TRHDE: variants seen among roughly 807,000 people sequenced by gnomAD.
TRHDE encodes the protein thyrotropin-releasing hormone-degrading ectoenzyme.
A neutral mutation model predicts 125.7 loss-of-function variants in TRHDE; 72 were observed. That is an observed-to-expected ratio of 0.57 (90% CI 0.47 to 0.70). The LOEUF (loss-of-function observed/expected upper bound fraction) is 0.70, where lower values mean the gene tolerates loss of function less well. TRHDE is among the 30% of genes least tolerant of loss of function. The pLI is 0.00. For synonymous variants in TRHDE, 509 were observed against 509.1 expected (o/e 1.00, Z 0.00); for missense variants, 1,110 against 1,327.1 (o/e 0.84, Z 2.54).
chr12:72,238,797 T>C (rs1878416329), intron 2 of TRHDE, among the ~76,000 whole-genome samples: 1 of 152,220 alleles, frequency 6.6e-6, no homozygotes, highest in Non-Finnish European at 1.5e-5. Flanking sequence ...CTATCATTGA[T>C]GGGCATTTGG....
At chr12:72,161,816 A>T (rs1339315350) in intron 2 of TRHDE, among the ~76,000 whole-genome samples, 1 of 152,250 alleles carries the variant, frequency 6.6e-6, no homozygotes, top group African/African-American at 2.4e-5. Context: ...GGAATCCAGG[A>T]AAACTTTTAA....
chr12:72,462,855 C>T (rs1375704894), intron 3 of TRHDE, among the ~76,000 whole-genome samples: 1 of 152,180 alleles, frequency 6.6e-6, no homozygotes, highest in Non-Finnish European at 1.5e-5. Context: ...TCCCCAACCC[C>T]TCAAACCTGG....
At chr12:72,590,005 C>T (rs1027889087) in intron 12 of TRHDE, among the ~76,000 whole-genome samples, 1 of 151,802 alleles carries the variant, frequency 6.6e-6, no homozygotes, top group Non-Finnish European at 1.5e-5. Flanking sequence ...TTCTTTTCAA[C>T]ATATGCATTT....
intron 6 of TRHDE, among the ~76,000 whole-genome samples, chr12:72,508,927 G>A (rs1878469346): frequency 6.6e-6 from 1 of 152,022 alleles, no homozygotes; most frequent in Admixed American, 6.6e-5. Flanking sequence ...CATGTAAGAT[G>A]TGCCTCCTTC....
chr12:72,511,646 T>C (rs1322086539), intron 6 of TRHDE, among the ~76,000 whole-genome samples: 1 of 152,184 alleles, frequency 6.6e-6, no homozygotes, highest in African/African-American at 2.4e-5. Context: ...CCTTTACCAC[T>C]TACTGGTAAA....
chr12:72,610,629 T>C (rs1199951657), intron 12 of TRHDE: 1 of 152,210 alleles, frequency 6.6e-6, no homozygotes, highest in Non-Finnish European at 1.5e-5. Context: ...CTGCGCTAGG[T>C]CTCTGCAGGG....
At chr12:72,460,907 A>G (rs1048082748) in intron 3 of TRHDE, among the ~76,000 whole-genome samples, 2 of 152,192 alleles carry the variant, frequency 1.3e-5, no homozygotes, top group Non-Finnish European at 2.9e-5. Flanking sequence ...CCTTTGGCAT[A>G]GAAAGCCTTT....
intron 6 of TRHDE, among the ~76,000 whole-genome samples, chr12:72,539,652 C>T (rs11179240): frequency 0.17 from 25,454 of 151,664 alleles, 2,613 homozygotes; most frequent in East Asian, 0.49. Flanking sequence ...TAGGTGGGAA[C>T]TTACATTAAA....
chr12:72,281,253 A>G (rs980195063), intron 1 of TRHDE, among the ~76,000 whole-genome samples: 48 of 152,310 alleles, frequency 3.2e-4, no homozygotes, highest in Non-Finnish European at 1.6e-4. Flanking sequence ...CTCTTCTGAA[A>G]TAGCAGAGGT....
At chr12:72,490,847 G>A (rs1222287272) in intron 5 of TRHDE, among the ~76,000 whole-genome samples, 1 of 151,228 alleles carries the variant, frequency 6.6e-6, no homozygotes, top group Non-Finnish European at 1.5e-5. Flanking sequence ...ATGGGAAGAT[G>A]TAGTTAAGAG....
chr12:72,546,640 T>A (rs537952032), intron 7 of TRHDE, among the ~76,000 whole-genome samples: 2 of 151,634 alleles, frequency 1.3e-5, no homozygotes, highest in South Asian at 2.1e-4. Flanking sequence ...GGTACATAAT[T>A]CTGTAACATA....
chr12:72,517,105 C>CT (rs1303268758), intron 6 of TRHDE, among the ~76,000 whole-genome samples: 1 of 151,634 alleles, frequency 6.6e-6, no homozygotes, highest in Non-Finnish European at 1.5e-5. Flanking sequence ...CTAAAATTCT[C>CT]TTTTTTGGTT....
At chr12:72,232,611 G>C (rs1286413274) in intron 2 of TRHDE, among the ~76,000 whole-genome samples, 4 of 151,988 alleles carry the variant, frequency 2.6e-5, no homozygotes, top group African/African-American at 7.3e-5. Context: ...TCAGGAGAAG[G>C]GTCTAGGTGG....
chr12:72,582,447 C>T, intron 12 of TRHDE: 3 of 985,262 alleles, frequency 3.0e-6, no homozygotes, highest in Non-Finnish European at 3.6e-6. Flanking sequence ...GGACATTTTT[C>T]GGCATGGCTT....
intron 2 of TRHDE, among the ~76,000 whole-genome samples, chr12:72,160,834 C>T (rs1876621528): frequency 6.6e-6 from 1 of 152,182 alleles, no homozygotes; most frequent in Non-Finnish European, 1.5e-5. Context: ...TATTTATGTT[C>T]ATGCCACAGT....
chr12:72,586,316 A>T (rs1371773088), intron 12 of TRHDE, among the ~76,000 whole-genome samples: 1 of 152,222 alleles, frequency 6.6e-6, no homozygotes, highest in East Asian at 1.9e-4. Context: ...GAAGTAACAT[A>T]CACTTTGTTT....
At chr12:72,520,340 G>A (rs566999791) in intron 6 of TRHDE, among the ~76,000 whole-genome samples, 11 of 152,316 alleles carry the variant, frequency 7.2e-5, no homozygotes, top group African/African-American at 2.6e-4. Context: ...ATATAATCTC[G>A]TGGTGCGCCA....
chr12:72,134,676 A>G (rs1028572640), intron 2 of TRHDE, among the ~76,000 whole-genome samples: 1 of 152,108 alleles, frequency 6.6e-6, no homozygotes, highest in Non-Finnish European at 1.5e-5. Context: ...AACTCCTAAT[A>G]CGTAGGAGTT....
At chr12:72,573,096 C>G (rs971976131) in intron 10 of TRHDE, among the ~76,000 whole-genome samples, 9 of 151,776 alleles carry the variant, frequency 5.9e-5, no homozygotes, top group African/African-American at 2.2e-4. Context: ...TCTTAGTATA[C>G]TTGAAGACAC....
Sources: allele counts gnomAD v4.1 joint callset (sites outside exome capture counted in the v4.1 genomes callset), GRCh38; gene constraint gnomAD v4.1.1; transcripts MANE v1.5; gene names NCBI Gene and HGNC (gene_info 2026-07-23, HGNC 2026-07-21).